ZNF484: variants seen among roughly 807,000 people sequenced by gnomAD.
ZNF484 encodes the protein zinc finger protein 484.
In ZNF484, 11 loss-of-function variants were observed where a neutral mutation model predicts 12.9. That is an observed-to-expected ratio of 0.85 (90% confidence interval 0.54 to 1.41). The LOEUF (loss-of-function observed/expected upper bound fraction) is 1.41, where lower values mean the gene tolerates loss of function less well. Among genes scored for constraint, ZNF484 ranks in the 40% most tolerant of loss-of-function variants. The probability of loss-of-function intolerance (pLI) is 0.00; values close to 1 mark genes in which losing one functional copy is unlikely to be tolerated. For synonymous variants in ZNF484, 289 were observed against 334.1 expected, an observed-to-expected ratio of 0.86 and a Z score of 1.47; for missense variants, 807 against 1,007.7, an observed-to-expected ratio of 0.80 and a Z score of 2.70.
chr9:92,877,372 AGAAT>A lies in ZNF484; in HGVS notation c.-31+514_-31+517del, dbSNP rs541467710. On this transcript the variant is annotated intron_variant, in intron 1 of 4. Transcript: ENST00000375495. ...CGCTTGATTCTTTTTAAATAGAGAAAGAATGAATGATATATAAATATAATAACCG... is the reference window on the plus strand; with the variant it reads ...CGCTTGATTCTTTTTAAATAGAGAAAGAATGATATATAAATATAATAACCG... Among the ~76,000 whole-genome samples the A allele has an allele frequency of 2.6e-4, 39 of 152,234 alleles. No homozygotes were observed. The South Asian group carries it at 8.1e-3, about 32-fold the overall frequency.
intron 4 of ZNF484, among the ~76,000 whole-genome samples, chr9:92,852,867 A>G (rs1856193705): frequency 6.6e-6 from 1 of 152,240 alleles, no homozygotes; most frequent in Admixed American, 6.5e-5. Flanking sequence ...ATACGCAGAT[A>G]GATAACATAA....
chr9:92,854,103 AAGAGAG>A (rs895914873), intron 4 of ZNF484, among the ~76,000 whole-genome samples: 1 of 152,154 alleles, frequency 6.6e-6, no homozygotes, highest in East Asian at 1.9e-4. Context: ...CCAGGAAAAA[AAGAGAG>A]AGAGATGAGG....
chr9:92,854,735 AAATT>A (rs994952583), intron 4 of ZNF484, among the ~76,000 whole-genome samples: 3 of 152,128 alleles, frequency 2.0e-5, no homozygotes, highest in Non-Finnish European at 2.9e-5. Context: ...ATAAATAAAT[AAATT>A]ATCATTTCCA....
In ZNF484 at chr9:92,847,575, T is replaced by A. The variant is rs1397750616; in HGVS notation, c.1212A>T (p.Lys404Asn). 6.2e-7 allele frequency: 1 copy of A among 1,614,156 alleles called. No homozygotes were observed. Among genetic ancestry groups the A allele is most frequent in the Non-Finnish European group, 8.5e-7 (1 of 1,180,030 alleles). The change falls in exon 5 of 5, where the codon AAA (lysine) becomes AAT (asparagine). Residue 404 changes from lysine (K) to asparagine (N), a missense_variant. Transcript: ENST00000375495. ...TRKSTLSMHQ[K>N]IHTGEKPYVC... Reference sequence around the variant, plus strand: ...CATAAGGTTTTTCTCCTGTATGGATTTTCTGATGCATACTTAGTGTTGATT... The same window carrying A: ...CATAAGGTTTTTCTCCTGTATGGATATTCTGATGCATACTTAGTGTTGATT...
At position 92,848,920 on chromosome 9, in the gene ZNF484, A is replaced by G. The variant is rs1855881383; in HGVS notation, c.236-369T>C. On this transcript the variant is annotated intron_variant, in intron 4 of 4. Transcript: ENST00000375495. This position sits in a 1 kb window ranked among gnomAD's most constrained non-coding sequence, Gnocchi z 4.1. ...CAAGACTCTGTCTCCAAAATAAATA[A>G]ATAAATAAATAAATAAATAAATAAA... Among the ~76,000 whole-genome samples, 1 of 147,782 alleles carries G rather than the reference A, an allele frequency of 6.8e-6. No homozygotes were observed. Among genetic ancestry groups the G allele is most frequent in the Non-Finnish European group, 1.5e-5 (1 of 67,250 alleles).
chr9:92,871,192 T>G (rs979406523), intron 2 of ZNF484, among the ~76,000 whole-genome samples: 5 of 151,984 alleles, frequency 3.3e-5, no homozygotes, highest in African/African-American at 1.2e-4. Context: ...AACAAGCATA[T>G]GAACACACTT....
At position 92,848,030 on chromosome 9, in the gene ZNF484, A is replaced by G. The variant is rs149458276; in HGVS notation, c.757T>C (p.Phe253Leu). 4,574 of 1,614,206 alleles carry G rather than the reference A, an allele frequency of 2.8e-3. 6 individuals carry two copies. The highest frequency in any genetic ancestry group is 3.0e-3 in the Non-Finnish European group (3,531 of 1,180,048). The part of the protein sequence containing the change: ...KIHTRESLYL[F>L]SDYVNVFSPK... ...GAGAAAACATTTACGTAGTCAGAAA[A>G]CAAATAGAGGCTCTCTCTAGTATGA... The change falls in exon 5 of 5, where the codon TTT (phenylalanine) becomes CTT (leucine). Residue 253 changes from phenylalanine to leucine, a missense_variant. By Grantham distance (22) the Phe-to-Leu change is conservative. Coordinates refer to ENST00000375495, the MANE Select transcript of ZNF484 (RefSeq NM_031486.4). This position sits in a 1 kb window ranked among gnomAD's most constrained non-coding sequence, Gnocchi z 4.1.
rs1466060260 is a variant in ZNF484 at position 92,856,252 on chromosome 9, C to T, written c.82G>A (p.Ala28Thr). 6.2e-7 allele frequency: 1 copy of T among 1,613,398 alleles called. No individual in the cohort carries two copies. The highest frequency in any genetic ancestry group is 1.1e-5 in the South Asian group (1 of 91,052). The change falls in exon 3 of 5, where the codon GCT becomes ACT. Residue 28 changes from alanine (A) to threonine (T), a missense_variant. Coordinates refer to ENST00000375495, the MANE Select transcript of ZNF484 (RefSeq NM_031486.4). ...SRDEWQQLDL[A>T]QKSLYREVML... is the part of the protein sequence containing the mutation. The stretch of plus-strand genomic sequence containing the variant: ...ACTTCTCTGTACAGGCTTTTCTGAG[C>T]AAGGTCTAATTGTTGCCACTCATCC...
Position 92,847,157 on chromosome 9 carries a change from T to G in ZNF484, c.1630A>C (p.Lys544Gln). 1 of 1,614,092 alleles carries G rather than the reference T, an allele frequency of 6.2e-7. No homozygotes were observed. Among genetic ancestry groups the G allele is most frequent in the Non-Finnish European group, 8.5e-7 (1 of 1,180,010 alleles). Reference protein sequence around the residue: ...TWKSRLRIHQKCHTGERHYEC... With the variant: ...TWKSRLRIHQQCHTGERHYEC... The stretch of plus-strand genomic sequence containing the variant: ...TAATGTCTCTCTCCAGTATGACACT[T>G]CTGATGTATCCTGAGCCGAGACTTC... The change falls in exon 5 of 5, where the codon AAG becomes CAG. Residue 544 changes from lysine (K) to glutamine (Q), a missense_variant. Lys to Gln is a moderately conservative substitution (Grantham distance 53, BLOSUM62 1). Transcript: ENST00000375495.
At chr9:92,854,641 T>A (rs1222465325) in intron 4 of ZNF484, among the ~76,000 whole-genome samples, 1 of 152,076 alleles carries the variant, frequency 6.6e-6, no homozygotes, top group Non-Finnish European at 1.5e-5. Context: ...GGCGTGAACC[T>A]GGGAGGTGGA....
intron 3 of ZNF484, 33 bp downstream of exon 3, chr9:92,856,159 A>G (rs1856435350): frequency 6.2e-7 from 1 of 1,606,352 alleles, no homozygotes; most frequent in Non-Finnish European, 8.5e-7. Context: ...AATTAGGTGC[A>G]GCCTACTCTA....
Position 92,846,810 on chromosome 9 carries a change from A to C in ZNF484, c.1977T>G (p.Thr659=), listed in dbSNP as rs943028877. ...SNLFTHQKIH[T]GEKPYKCSDC... The stretch of plus-strand genomic sequence containing the variant: ...CACTACATTTATAAGGTTTCTCTCC[A>C]GTGTGAATTTTCTGGTGTGTAAAGA... Residue 659 remains threonine (T), a synonymous_variant, in exon 5 of 5, where the codon ACT becomes ACG. Transcript: ENST00000375495. The C allele has an allele frequency of 1.2e-6, 2 of 1,613,898 alleles. No homozygotes were observed. The highest frequency in any genetic ancestry group is 1.7e-5 in the Admixed American group (1 of 59,986).
At chr9:92,857,440 C>T (rs1341683185) in intron 2 of ZNF484, among the ~76,000 whole-genome samples, 1 of 152,098 alleles carries the variant, frequency 6.6e-6, no homozygotes, top group Non-Finnish European at 1.5e-5. Flanking sequence ...GCCATTTTCC[C>T]CTCAGGATAT....
intron 2 of ZNF484, among the ~76,000 whole-genome samples, chr9:92,856,604 G>A (rs1856478961): frequency 1.3e-5 from 2 of 152,114 alleles, no homozygotes; most frequent in African/African-American, 4.8e-5. Flanking sequence ...AATCACTAGG[G>A]AAATGCAAAT....
chr9:92,849,885 TC>T (rs926782385), intron 4 of ZNF484, among the ~76,000 whole-genome samples: 5 of 151,930 alleles, frequency 3.3e-5, no homozygotes, highest in African/African-American at 1.2e-4. Context: ...CACTGCAACC[TC>T]CACCTCCTGA....
rs541159910 is a variant in ZNF484 at position 92,847,387 on chromosome 9, G to C, written c.1400C>G (p.Pro467Arg). 4 of 1,613,668 alleles carry C rather than the reference G, an allele frequency of 2.5e-6. No homozygotes were observed. In the South Asian group the frequency reaches 3.3e-5, roughly 13 times the overall value. The stretch of plus-strand genomic sequence containing the variant: ...CTTCCCACATTCTGAACATATAAAG[G>C]GATTCTCTCCTGTGTGAATTCGCTG... The part of the protein sequence containing the change: ...VHQRIHTGEN[P>R]FICSECGKVF... Residue 467 changes from proline (P) to arginine (R), a missense_variant, in exon 5 of 5, where the codon CCC becomes CGC. Physicochemically the swap from Pro to Arg is moderately radical, Grantham distance 103. Transcript: ENST00000375495.
Position 92,848,620 on chromosome 9 carries a change from G to A in ZNF484, c.236-69C>T, listed in dbSNP as rs1331472058. The A allele has an allele frequency of 4.3e-6, 6 of 1,407,670 alleles. No homozygotes were observed. The highest frequency in any genetic ancestry group is 5.6e-6 in the Non-Finnish European group (6 of 1,068,198). The allele number at this position is 1,407,670 out of a possible 1,614,324, so 87.2% of individuals were successfully genotyped here. A position where few individuals can be genotyped will look rare whatever the true frequency, so the allele number is the denominator to read the frequency against. ...ACAGAAAATAAGGCCAGGTGCGGTG[G>A]CTCATGCCTGTAATCCTAGCACTTT... On this transcript the variant is annotated intron_variant, in intron 4 of 4. Coordinates refer to ENST00000375495, the MANE Select transcript of ZNF484 (RefSeq NM_031486.4). This position sits in a 1 kb window ranked among gnomAD's most constrained non-coding sequence, Gnocchi z 4.1.
intron 4 of ZNF484, among the ~76,000 whole-genome samples, chr9:92,850,481 A>T (rs935848390): frequency 6.6e-6 from 1 of 152,160 alleles, no homozygotes; most frequent in African/African-American, 2.4e-5. Flanking sequence ...TAGTCATCCT[A>T]ACTTGGCCAA....
chr9:92,846,739 T>G lies in ZNF484; in HGVS notation c.2048A>C (p.Gln683Pro). Residue 683 changes from glutamine (Q) to proline (P), a missense_variant, in exon 5 of 5, where the codon CAG becomes CCG. Physicochemically the swap from Gln to Pro is moderately conservative, Grantham distance 76. Coordinates refer to ENST00000375495, the MANE Select transcript of ZNF484 (RefSeq NM_031486.4). ...ATGCCTTTCTCCAGTATGGGATTGCTGATGTATATGGAGACCTGACTTCCT... is the reference window on the plus strand; with the variant it reads ...ATGCCTTTCTCCAGTATGGGATTGCGGATGTATATGGAGACCTGACTTCCT... ...FTRKSGLHIH[Q>P]QSHTGERHYE... 6.2e-7 allele frequency: 1 copy of G among 1,614,110 alleles called. No individual in the cohort carries two copies. The highest frequency in any genetic ancestry group is 8.5e-7 in the Non-Finnish European group (1 of 1,180,012).
Sources: gnomAD v4.1 joint callset for allele counts (sites outside exome capture counted in the v4.1 genomes callset) on GRCh38, gnomAD v4.1.1 for gene constraint, Gnocchi (gnomAD v3.1) non-coding constraint, MANE v1.5 for transcripts, NCBI Gene and HGNC (gene_info 2026-07-23, HGNC 2026-07-21) for gene names.